Variants in PTPRG observed in about 807,000 individuals in gnomAD.
PTPRG encodes the protein receptor-type tyrosine-protein phosphatase gamma.
A neutral mutation model predicts 165.3 loss-of-function variants in PTPRG; 102 were observed. The ratio of observed to expected loss-of-function variants is 0.62; its 90% CI spans 0.53 to 0.73. The LOEUF (loss-of-function observed/expected upper bound fraction) is 0.73. Among genes scored for constraint, PTPRG ranks in the 30% least tolerant of loss-of-function variants. The pLI, the probability that PTPRG is intolerant of heterozygous loss-of-function variation, is 0.00. For missense variants in PTPRG, 1,866 were observed against 1,861.4 expected, an observed-to-expected ratio of 1.00 and a Z score of -0.05; for synonymous variants, 675 against 669.5, an observed-to-expected ratio of 1.01 and a Z score of -0.13.
chr3:61,905,588 C>T (rs1314897260), intron 2 of PTPRG, among the ~76,000 whole-genome samples: 1 of 152,216 alleles, frequency 6.6e-6, no homozygotes, highest in African/African-American at 2.4e-5. Context: ...ATTCAATCCC[C>T]AGGAGTATTT....
At chr3:61,889,410 C>T (rs2038144797) in intron 2 of PTPRG, among the ~76,000 whole-genome samples, 1 of 152,216 alleles carries the variant, frequency 6.6e-6, no homozygotes, top group African/African-American at 2.4e-5. Context: ...GTGCTCTCTT[C>T]AAGCTGATCA....
intron 5 of PTPRG, among the ~76,000 whole-genome samples, chr3:62,090,989 A>G (rs1353147201): frequency 2.6e-5 from 4 of 152,234 alleles, no homozygotes; most frequent in Admixed American, 1.3e-4. Context: ...AAATGAGATA[A>G]TGTCTGTGAA....
At chr3:61,801,194 G>A (rs147660945) in intron 2 of PTPRG, among the ~76,000 whole-genome samples, 7 of 152,230 alleles carry the variant, frequency 4.6e-5, no homozygotes, top group African/African-American at 1.7e-4. Flanking sequence ...AGCTTCAAAA[G>A]CACACATATT....
chr3:61,666,834 C>G (rs1383624244), intron 1 of PTPRG, among the ~76,000 whole-genome samples: 3 of 152,146 alleles, frequency 2.0e-5, no homozygotes, highest in African/African-American at 7.2e-5. Context: ...TTGTTTCTGA[C>G]CACTGACAGA....
chr3:62,185,433 T>G (rs1382775339), intron 8 of PTPRG, among the ~76,000 whole-genome samples: 1 of 152,144 alleles, frequency 6.6e-6, no homozygotes, highest in East Asian at 1.9e-4. Flanking sequence ...TGAGAAGAGA[T>G]AGATAAGTAC....
intron 1 of PTPRG, among the ~76,000 whole-genome samples, chr3:61,728,737 A>G (rs2032364162): frequency 6.6e-6 from 1 of 152,020 alleles, no homozygotes; most frequent in Non-Finnish European, 1.5e-5. Flanking sequence ...GAAAACCCAT[A>G]TGCTTAAAAG....
At chr3:61,711,204 C>T (rs966450119) in intron 1 of PTPRG, among the ~76,000 whole-genome samples, 3 of 152,116 alleles carry the variant, frequency 2.0e-5, no homozygotes, top group African/African-American at 7.2e-5. Flanking sequence ...CAAGTCTTTG[C>T]TATGGTGAAT....
intron 10 of PTPRG, among the ~76,000 whole-genome samples, chr3:62,198,729 T>G (rs1418230440): frequency 2.0e-5 from 3 of 152,258 alleles, no homozygotes; most frequent in African/African-American, 7.2e-5. Context: ...CCAGTGATTT[T>G]TGAATAGTGA....
At chr3:61,679,924 C>G (rs1439053147) in intron 1 of PTPRG, among the ~76,000 whole-genome samples, 1 of 152,212 alleles carries the variant, frequency 6.6e-6, no homozygotes, top group Non-Finnish European at 1.5e-5. Context: ...TGACACCTTA[C>G]TCTCTTCGGC....
Position 61,562,196 on chromosome 3 carries a change from C to T in PTPRG, c.-92C>T. 5.0e-6 allele frequency: 6 copies of T among 1,205,740 alleles called. No individual in the cohort carries two copies. Among genetic ancestry groups the T allele is most frequent in the African/African-American group, 1.5e-5 (1 of 66,702 alleles). The allele number at this position is 1,205,740 out of a possible 1,614,324, so 74.7% of individuals were successfully genotyped here. On this transcript the variant is annotated 5_prime_UTR_variant, in exon 1 of 30. Coordinates refer to ENST00000474889, the MANE Select transcript of PTPRG (RefSeq NM_002841.4). ...CCGTGGAGCGGGCGAGCCGGGGAAG[C>T]GCCCCGGCTTAGCGGAGGCTCGCAC...
chr3:61,844,104 C>T (rs2036734963), intron 2 of PTPRG, among the ~76,000 whole-genome samples: 1 of 151,938 alleles, frequency 6.6e-6, no homozygotes, highest in Non-Finnish European at 1.5e-5. Flanking sequence ...GCTGGGATTA[C>T]AGGCATGTGC....
intron 16 of PTPRG, among the ~76,000 whole-genome samples, chr3:62,256,575 C>A (rs561576850): frequency 6.6e-6 from 1 of 152,298 alleles, no homozygotes; most frequent in African/African-American, 2.4e-5. Flanking sequence ...ATTTTGTATT[C>A]ATGAGGACAG....
At chr3:61,952,825 C>T (rs73842162) in intron 2 of PTPRG, among the ~76,000 whole-genome samples, 3,235 of 152,222 alleles carry the variant, frequency 0.021, 107 homozygotes, top group African/African-American at 0.073. Flanking sequence ...TATTTTCTCC[C>T]CTACTCACTG....
chr3:61,829,576 C>G (rs908147804), intron 2 of PTPRG, among the ~76,000 whole-genome samples: 6 of 152,250 alleles, frequency 3.9e-5, no homozygotes, highest in South Asian at 4.1e-4. Context: ...TTCCTGCTGT[C>G]TCTTTCTCTT....
rs547835300 is a variant in PTPRG, at chr3:61,726,485, A to G, written c.86-22393A>G. 2.0e-5 allele frequency among the ~76,000 whole-genome samples: 3 copies of G among 152,298 alleles called. No homozygotes were observed. In the South Asian group the frequency reaches 6.2e-4, roughly 32 times the overall value. ...ATGGAAATATACTGCCATTAAATGG[A>G]TAACACAAAAAAATTGCTAAATATA... On this transcript the variant is annotated intron_variant, in intron 1 of 29. Transcript: ENST00000474889.
At chr3:61,650,406 C>A (rs1351340723) in intron 1 of PTPRG, among the ~76,000 whole-genome samples, 1 of 152,116 alleles carries the variant, frequency 6.6e-6, no homozygotes, top group African/African-American at 2.4e-5. Flanking sequence ...GTGACGAGTT[C>A]CGCACAAAAC....
At chr3:61,609,044 C>G (rs1023639234) in intron 1 of PTPRG, among the ~76,000 whole-genome samples, 3 of 152,136 alleles carry the variant, frequency 2.0e-5, no homozygotes, top group Admixed American at 6.5e-5. Context: ...GATACGGAAG[C>G]CTTTGGTCTC....
chr3:61,723,520 T>G (rs570759678), intron 1 of PTPRG, among the ~76,000 whole-genome samples: 1 of 152,294 alleles, frequency 6.6e-6, no homozygotes, highest in African/African-American at 2.4e-5. Context: ...CAAAAAGGGT[T>G]GGATAGAAAG....
chr3:62,011,292 A>G (rs2041417831), intron 4 of PTPRG, among the ~76,000 whole-genome samples: 1 of 152,224 alleles, frequency 6.6e-6, no homozygotes, highest in Non-Finnish European at 1.5e-5. Context: ...TGGTGTAAAC[A>G]CATGGGGCGG....
Sources: gnomAD v4.1 joint callset for allele counts (sites outside exome capture counted in the v4.1 genomes callset) on GRCh38, gnomAD v4.1.1 for gene constraint, MANE v1.5 for transcripts, NCBI Gene and HGNC (gene_info 2026-07-23, HGNC 2026-07-21) for gene names.